CACNA2D3: variants seen among roughly 807,000 people sequenced by gnomAD.
The protein encoded by CACNA2D3 is voltage-dependent calcium channel subunit alpha-2/delta-3.
CACNA2D3 carries 60 observed loss-of-function variants against 160.6 expected under a neutral mutation model. The ratio of observed to expected loss-of-function variants is 0.37; its 90% CI spans 0.30 to 0.46. The LOEUF is 0.46. Among genes scored for constraint, CACNA2D3 ranks in the 20% least tolerant of loss-of-function variants. The pLI is 1.00. For synonymous variants in CACNA2D3, 558 were observed against 492.9 expected (o/e 1.13, Z -1.75); for missense variants, 1,205 against 1,365.0 (o/e 0.88, Z 1.85).
chr3:54,362,761 T>C (rs927974384), intron 3 of CACNA2D3, among the ~76,000 whole-genome samples: 11 of 152,180 alleles, frequency 7.2e-5, no homozygotes, highest in African/African-American at 2.7e-4. Flanking sequence ...AACAGCGGTG[T>C]GTGTCAAGCC....
At chr3:54,490,804 G>A (rs1243628288) in intron 4 of CACNA2D3, among the ~76,000 whole-genome samples, 1 of 152,174 alleles carries the variant, frequency 6.6e-6, no homozygotes, top group Non-Finnish European at 1.5e-5. Context: ...TTCAGAGGAA[G>A]CGGGGTTGCT....
At chr3:54,506,665 T>C (rs180896122) in intron 5 of CACNA2D3, among the ~76,000 whole-genome samples, 36 of 152,280 alleles carry the variant, frequency 2.4e-4, no homozygotes, top group African/African-American at 8.4e-4. Context: ...CATTGAGTGT[T>C]TAGAAATGCA....
intron 3 of CACNA2D3, among the ~76,000 whole-genome samples, chr3:54,354,110 C>G (rs1225319991): frequency 1.3e-5 from 2 of 152,178 alleles, no homozygotes; most frequent in African/African-American, 4.8e-5. Context: ...TCACATGAAT[C>G]TCAGCCTTCC....
intron 4 of CACNA2D3, among the ~76,000 whole-genome samples, chr3:54,422,663 AATGATG>A (rs539482855): frequency 3.9e-5 from 6 of 151,920 alleles, no homozygotes; most frequent in African/African-American, 7.3e-5. Context: ...GCAAAATAAT[AATGATG>A]ATGATGATGA....
At chr3:54,157,192 T>G (rs1390437421) in intron 2 of CACNA2D3, among the ~76,000 whole-genome samples, 1 of 152,318 alleles carries the variant, frequency 6.6e-6, no homozygotes, top group South Asian at 2.1e-4. Flanking sequence ...AAGAGCTCTC[T>G]GGTGTCTCTT....
chr3:54,709,917 C>G (rs905835760), intron 11 of CACNA2D3, among the ~76,000 whole-genome samples: 1 of 152,088 alleles, frequency 6.6e-6, no homozygotes, highest in Admixed American at 6.5e-5. Flanking sequence ...AGAGCAAGAC[C>G]CTGTCTCTAA....
chr3:54,897,714 G>A (rs1471473319), intron 26 of CACNA2D3, among the ~76,000 whole-genome samples: 1 of 152,122 alleles, frequency 6.6e-6, no homozygotes, highest in Non-Finnish European at 1.5e-5. Context: ...AGTTCTCCAG[G>A]GTTTGTGCCC....
intron 14 of CACNA2D3, among the ~76,000 whole-genome samples, chr3:54,836,226 CTT>C (rs71096454): frequency 7.6e-5 from 7 of 92,684 alleles, no homozygotes; most frequent in Admixed American, 1.1e-4. Flanking sequence ...TTTTTTTTTT[CTT>C]TTTTTTTTTT....
intron 5 of CACNA2D3, among the ~76,000 whole-genome samples, chr3:54,557,094 A>G (rs538713595): frequency 3.9e-5 from 6 of 152,240 alleles, no homozygotes; most frequent in African/African-American, 1.4e-4. Context: ...TTCCCCTTCT[A>G]TTAAAACTGC....
chr3:54,946,515 G>A (rs1227972053), intron 27 of CACNA2D3, among the ~76,000 whole-genome samples: 1 of 152,132 alleles, frequency 6.6e-6, no homozygotes, highest in Non-Finnish European at 1.5e-5. Context: ...GTTAGCAGCA[G>A]GAAAGAAGAG....
At chr3:54,166,954 A>G (rs1049530984) in intron 2 of CACNA2D3, among the ~76,000 whole-genome samples, 4 of 152,226 alleles carry the variant, frequency 2.6e-5, no homozygotes, top group Non-Finnish European at 5.9e-5. Flanking sequence ...TTTATGAGTT[A>G]TAATATTACC....
chr3:55,032,939 G>A (rs9813220), intron 35 of CACNA2D3, among the ~76,000 whole-genome samples: 2,492 of 151,106 alleles, frequency 0.016, 82 homozygotes, highest in African/African-American at 0.058. Context: ...AGTGTGATGG[G>A]GGGTGGGCGG....
At chr3:54,297,108 C>T (rs1437548617) in intron 2 of CACNA2D3, among the ~76,000 whole-genome samples, 4 of 152,204 alleles carry the variant, frequency 2.6e-5, no homozygotes, top group Non-Finnish European at 5.9e-5. Flanking sequence ...TGTTAGGAGT[C>T]AGACAGCCTG....
chr3:54,158,213 G>T (rs972624195), intron 2 of CACNA2D3, among the ~76,000 whole-genome samples: 1 of 152,162 alleles, frequency 6.6e-6, no homozygotes, highest in Admixed American at 6.5e-5. Flanking sequence ...GTGTATTTTC[G>T]AGCAGCAGCT....
intron 5 of CACNA2D3, among the ~76,000 whole-genome samples, chr3:54,551,469 C>T (rs1384718055): frequency 6.6e-6 from 1 of 152,024 alleles, no homozygotes; most frequent in Non-Finnish European, 1.5e-5. Flanking sequence ...GTGGGTTGTT[C>T]AATAGTTGTA....
chr3:55,003,733 G>C (rs1220795009), intron 31 of CACNA2D3, among the ~76,000 whole-genome samples: 1 of 152,284 alleles, frequency 6.6e-6, no homozygotes, highest in East Asian at 1.9e-4. Flanking sequence ...GTTGGCCTGG[G>C]CTCTAGGTGT....
chr3:54,852,006 G>A (rs546304532), intron 17 of CACNA2D3, among the ~76,000 whole-genome samples: 1 of 152,254 alleles, frequency 6.6e-6, no homozygotes, highest in East Asian at 1.9e-4. Flanking sequence ...TAGATAAAAT[G>A]GATTATAGGA....
intron 11 of CACNA2D3, among the ~76,000 whole-genome samples, chr3:54,667,947 CA>C (rs35673145): frequency 0.16 from 23,130 of 143,538 alleles, 4,195 homozygotes; most frequent in African/African-American, 0.46. Context: ...ACCCCCATCT[CA>C]AAAAAAAAAA....
At chr3:54,628,835 C>T (rs661201) in intron 10 of CACNA2D3, among the ~76,000 whole-genome samples, 1 of 151,136 alleles carries the variant, frequency 6.6e-6, no homozygotes, top group African/African-American at 2.4e-5. Flanking sequence ...GTGACATCAG[C>T]GCCGAGTCAC....
Sources: gnomAD v4.1 joint callset for allele counts (sites outside exome capture counted in the v4.1 genomes callset) on GRCh38, gnomAD v4.1.1 for gene constraint, MANE v1.5 for transcripts, NCBI Gene and HGNC (gene_info 2026-07-23, HGNC 2026-07-21) for gene names.